The following TESK2 variants were observed in gnomAD, a reference collection of about 807,000 sequenced individuals.
TESK2 encodes dual specificity testis-specific protein kinase 2.
In TESK2, 39 loss-of-function variants were observed where a neutral mutation model predicts 57.1. The observed-to-expected ratio is 0.68, with a 90% CI of 0.53 to 0.89. TESK2 has a LOEUF of 0.89. Ranked by LOEUF, TESK2 falls within the 40% of genes least tolerant of loss-of-function variation. The probability of loss-of-function intolerance (pLI) is 0.00; values close to 1 mark genes in which losing one functional copy is unlikely to be tolerated. For synonymous variants in TESK2, 249 were observed against 267.9 expected (o/e 0.93, Z 0.69); for missense variants, 646 against 732.1 (o/e 0.88, Z 1.36).
rs1338078362 is a variant in TESK2 at position 45,430,508 on chromosome 1, GA to G, written c.223-8663del. ...CCTATCTAAAACAAACAAACAAACA[GA>G]AAAAATAGAGTCGTGAGTAAACCTC... is the stretch of plus-strand genomic sequence containing the variant. On this transcript the variant is annotated intron_variant, in intron 2 of 10. Transcript: ENST00000372086. 6.6e-5 allele frequency among the ~76,000 whole-genome samples: 10 copies of G among 152,078 alleles called. No homozygotes were observed. The Middle Eastern group carries it at 0.01, about 156-fold the overall frequency.
chr1:45,378,443 C>T (rs1648523638), intron 4 of TESK2, among the ~76,000 whole-genome samples: 1 of 152,126 alleles, frequency 6.6e-6, no homozygotes, highest in Non-Finnish European at 1.5e-5. Context: ...TCTAACTATC[C>T]TGAGATCACC....
intron 3 of TESK2, among the ~76,000 whole-genome samples, chr1:45,388,539 T>C (rs968815241): frequency 2.0e-5 from 3 of 152,136 alleles, no homozygotes; most frequent in African/African-American, 4.8e-5. Flanking sequence ...GCTTCTTTGA[T>C]GTTATAATGG....
At chr1:45,422,108 T>C (rs376743263) in intron 2 of TESK2, among the ~76,000 whole-genome samples, 1 of 152,136 alleles carries the variant, frequency 6.6e-6, no homozygotes, top group Non-Finnish European at 1.5e-5. Context: ...TGGAATACTA[T>C]GCAGTCATAA....
intron 3 of TESK2, among the ~76,000 whole-genome samples, chr1:45,390,835 T>A (rs1358839804): frequency 6.6e-6 from 1 of 151,794 alleles, no homozygotes; most frequent in Non-Finnish European, 1.5e-5. Context: ...CTGGAACTCC[T>A]GGCCTCAAGA....
chr1:45,438,090 A>C (rs1651302835), intron 2 of TESK2, among the ~76,000 whole-genome samples: 1 of 152,256 alleles, frequency 6.6e-6, no homozygotes, highest in Admixed American at 6.5e-5. Flanking sequence ...TAGAACATCT[A>C]CTATCTCACA....
rs1177443113 is a variant in TESK2 at position 45,402,138 on chromosome 1, C to CG, written c.345-16179_345-16178insC. Among the ~76,000 whole-genome samples, 64 of 149,702 alleles carry CG rather than the reference C, an allele frequency of 4.3e-4. No homozygotes were observed. The East Asian group carries it at 0.012, about 28-fold the overall frequency. On this transcript the variant is annotated intron_variant, in intron 3 of 10. Coordinates refer to ENST00000372086, the MANE Select transcript of TESK2 (RefSeq NM_007170.3). ...GGCACAGTGACTCACACCTGTAATC[C>CG]CAGCACTTTGGGAGATCAAGGTGGG...
rs144028525 is a variant in TESK2 at position 45,404,485 on chromosome 1, A to C, written c.344+17240T>G. Among the ~76,000 whole-genome samples the C allele has an allele frequency of 4.6e-3, 699 of 152,284 alleles. 3 individuals are homozygous for C. The highest frequency in any genetic ancestry group is 0.016 in the African/African-American group (674 of 41,560). ...CAGACACTGTTCTAAATACTTTTAC[A>C]GAGCTTATCTCATTTAATCCTTGTA... On this transcript the variant is annotated intron_variant, in intron 3 of 10. Transcript: ENST00000372086.
At chr1:45,456,353 T>C (rs1195657863) in intron 2 of TESK2, among the ~76,000 whole-genome samples, 1 of 151,962 alleles carries the variant, frequency 6.6e-6, no homozygotes, top group Non-Finnish European at 1.5e-5. Flanking sequence ...ACTCTGTCTC[T>C]ACTAAAAATA....
chr1:45,409,776 T>C (rs566828930), intron 3 of TESK2, among the ~76,000 whole-genome samples: 5 of 152,190 alleles, frequency 3.3e-5, no homozygotes, highest in Admixed American at 6.5e-5. Context: ...GATGGATGAA[T>C]GGTGGGAGAG....
intron 1 of TESK2, among the ~76,000 whole-genome samples, chr1:45,460,945 G>T (rs768782620): frequency 6.6e-5 from 10 of 152,192 alleles, no homozygotes; most frequent in Non-Finnish European, 4.4e-5. Flanking sequence ...GCCAAGGGTA[G>T]TGTATTTCTC....
At chr1:45,431,179 G>T (rs1450408932) in intron 2 of TESK2, among the ~76,000 whole-genome samples, 1 of 152,216 alleles carries the variant, frequency 6.6e-6, no homozygotes, top group African/African-American at 2.4e-5. Context: ...AGCACTTTGG[G>T]AGGCCGAGGT....
chr1:45,346,138 C>G (rs772443078), intron 9 of TESK2, 144 bp from the exon 10 acceptor site: 2 of 677,428 alleles, frequency 3.0e-6, no homozygotes, highest in Non-Finnish European at 5.2e-6. Context: ...GAAGGTGATC[C>G]CTACAGTTCA....
intron 1 of TESK2, among the ~76,000 whole-genome samples, chr1:45,480,982 T>C (rs1088099): frequency 0.25 from 37,459 of 150,198 alleles, 5,292 homozygotes; most frequent in Non-Finnish European, 0.33. Context: ...AGTGAGATTC[T>C]GTCTCAAAAA....
chr1:45,356,189 T>C (rs1647413299), intron 4 of TESK2, among the ~76,000 whole-genome samples: 1 of 151,128 alleles, frequency 6.6e-6, no homozygotes. Context: ...ATTCAAAATG[T>C]ATTTAGATGG....
At chr1:45,435,979 G>T (rs1651187993) in intron 2 of TESK2, among the ~76,000 whole-genome samples, 1 of 151,574 alleles carries the variant, frequency 6.6e-6, no homozygotes, top group Non-Finnish European at 1.5e-5. Flanking sequence ...CTGTTCCATT[G>T]GTCTATGTGT....
In TESK2 at chr1:45,421,897, G is replaced by A. The variant is rs764754033; in HGVS notation, c.223-51C>T. Reference sequence around the variant, plus strand: ...AGAGGGTCAAGGGCAATAGTTATATGTGAGGTCAACATCTCCAAATGTACA... The same window carrying A: ...AGAGGGTCAAGGGCAATAGTTATATATGAGGTCAACATCTCCAAATGTACA... On this transcript the variant is annotated intron_variant, in intron 2 of 10. Coordinates refer to ENST00000372086, the MANE Select transcript of TESK2 (RefSeq NM_007170.3). 7 of 1,596,552 alleles carry A rather than the reference G, an allele frequency of 4.4e-6. No individual in the cohort carries two copies. The African/African-American group carries it at 5.4e-5, about 12-fold the overall frequency.
At chr1:45,433,765 T>C (rs367905918) in intron 2 of TESK2, among the ~76,000 whole-genome samples, 2 of 152,208 alleles carry the variant, frequency 1.3e-5, no homozygotes, top group African/African-American at 4.8e-5. Context: ...AGTATCCCTT[T>C]GGTATATTGA....
chr1:45,378,854 C>A (rs560622234), intron 4 of TESK2, among the ~76,000 whole-genome samples: 3 of 152,100 alleles, frequency 2.0e-5, no homozygotes, highest in Admixed American at 2.0e-4. Flanking sequence ...ACATCTTTGT[C>A]GTTTCCCCCT....
At chr1:45,377,343 G>T (rs538021046) in intron 4 of TESK2, among the ~76,000 whole-genome samples, 1 of 151,126 alleles carries the variant, frequency 6.6e-6, no homozygotes, top group African/African-American at 2.4e-5. Context: ...AAAAGACGGC[G>T]GACCGATTAA....
Sources: allele counts gnomAD v4.1 joint callset (sites outside exome capture counted in the v4.1 genomes callset), GRCh38; gene constraint gnomAD v4.1.1; transcripts MANE v1.5; gene names NCBI Gene and HGNC (gene_info 2026-07-23, HGNC 2026-07-21).